ZNF350: variants seen among roughly 807,000 people sequenced by gnomAD.
The protein encoded by ZNF350 is zinc finger protein 350.
In ZNF350, 5 loss-of-function variants were observed where a neutral mutation model predicts 13.1. That is an observed-to-expected ratio of 0.38 (90% CI 0.20 to 0.80). The LOEUF (loss-of-function observed/expected upper bound fraction) is 0.80. ZNF350 is among the 30% of genes least tolerant of loss of function. The pLI is 0.43. For missense variants in ZNF350, 534 were observed against 644.2 expected (o/e 0.83, Z 1.85); for synonymous variants, 199 against 224.2 (o/e 0.89, Z 1.00).
At position 51,964,972 on chromosome 19, in the gene ZNF350, C is replaced by T. The variant is rs753400255; in HGVS notation, c.1481G>A (p.Cys494Tyr). The T allele has an allele frequency of 6.2e-6, 10 of 1,614,076 alleles. No individual in the cohort carries two copies. Among genetic ancestry groups the T allele is most frequent in the Non-Finnish European group, 7.6e-6 (9 of 1,180,034 alleles). The change falls in exon 5 of 5, where the codon TGT becomes TAT. Residue 494 changes from cysteine to tyrosine, a missense_variant. Coordinates refer to ENST00000243644, the MANE Select transcript of ZNF350 (RefSeq NM_021632.4). Reference protein sequence around the residue: ...VVLVGQPVVRCAASGDNRGFA... With the variant: ...VVLVGQPVVRYAASGDNRGFA... ...TCCTCTGTTATCTCCTGAGGCTGCACATCTGACCACTGGCTGTCCCACAAG... is the reference window on the plus strand; with the variant it reads ...TCCTCTGTTATCTCCTGAGGCTGCATATCTGACCACTGGCTGTCCCACAAG...
intron 2 of ZNF350, among the ~76,000 whole-genome samples, chr19:51,971,860 G>A (rs774059442): frequency 6.6e-6 from 1 of 152,032 alleles, no homozygotes; most frequent in Non-Finnish European, 1.5e-5. Context: ...CCCAAACAGG[G>A]ACAGAATTGG....
chr19:51,965,522 T>G lies in ZNF350; in HGVS notation c.931A>C (p.Ile311Leu), dbSNP rs754924529. Reference protein sequence around the residue: ...QKGNLIVHQRIHTGEKPYICN... With the variant: ...QKGNLIVHQRLHTGEKPYICN... ...ATATAAGGTTTCTCACCTGTATGAA[T>G]TCGCTGGTGTACAATGAGATTTCCT... Residue 311 changes from isoleucine to leucine, a missense_variant, in exon 5 of 5, where the codon ATT (isoleucine) becomes CTT (leucine). Transcript: ENST00000243644. 2.5e-6 allele frequency: 4 copies of G among 1,614,106 alleles called. No individual in the cohort carries two copies. The highest frequency in any genetic ancestry group is 2.7e-5 in the African/African-American group (2 of 74,934).
chr19:51,965,398 C>T lies in ZNF350; in HGVS notation c.1055G>A (p.Gly352Glu), dbSNP rs772791359. ...GKTPFVCSEC[G>E]KSCSQKSGLI... ...ACCTGATTTCTGAGAACAGGATTTT[C>T]CACATTCACTGCACACAAAGGGCGT... Residue 352 changes from glycine (G) to glutamate (E), a missense_variant, in exon 5 of 5, where the codon GGA (glycine) becomes GAA (glutamate). Transcript: ENST00000243644. 2 of 1,614,114 alleles carry T rather than the reference C, an allele frequency of 1.2e-6. No homozygotes were observed. The highest frequency in any genetic ancestry group is 1.7e-6 in the Non-Finnish European group (2 of 1,180,016).
chr19:51,982,463 T>A (rs781245277), intron 1 of ZNF350, among the ~76,000 whole-genome samples: 19 of 152,244 alleles, frequency 1.2e-4, no homozygotes, highest in Admixed American at 2.6e-4. Flanking sequence ...TCTTTTAGGC[T>A]GACATAAACG....
intron 1 of ZNF350, among the ~76,000 whole-genome samples, chr19:51,981,715 GAA>G (rs1380428307): frequency 1.3e-4 from 20 of 151,982 alleles, no homozygotes; most frequent in South Asian, 6.2e-4. Context: ...TTAACAGAGA[GAA>G]AGAGAAACAA....
chr19:51,973,814 T>A (rs2085811344), intron 2 of ZNF350: 1 of 152,454 alleles, frequency 6.6e-6, no homozygotes, highest in Admixed American at 6.5e-5. Flanking sequence ...CTGTGTTTAC[T>A]GTTTGCTTAG....
Position 51,965,693 on chromosome 19 carries a change from G to A in ZNF350, c.760C>T (p.Arg254Ter), listed in dbSNP as rs1191666174. Reference protein sequence around the residue: ...SRKFMLTEHQRTHTGEKPYEC... With the variant: ...SRKFMLTEHQ The stretch of plus-strand genomic sequence containing the variant: ...TAAGGTTTTTCTCCTGTATGAGTTC[G>A]CTGATGTTCAGTAAGCATGAACTTT... The change falls in exon 5 of 5, where the codon CGA becomes TGA. Residue 254 changes from arginine (R) to a stop codon, truncating the protein, a stop_gained. Transcript: ENST00000243644. LOFTEE classifies it low-confidence loss of function (END_TRUNC). 8.7e-6 allele frequency: 14 copies of A among 1,613,936 alleles called. No homozygotes were observed. Among genetic ancestry groups the A allele is most frequent in the African/African-American group, 2.7e-5 (2 of 74,886 alleles).
chr19:51,979,126 G>A (rs1399891624), intron 1 of ZNF350, among the ~76,000 whole-genome samples: 1 of 152,126 alleles, frequency 6.6e-6, no homozygotes, highest in African/African-American at 2.4e-5. Context: ...AGGCCAACCA[G>A]AGTCATGATG....
Position 51,966,140 on chromosome 19 carries a change from C to A in ZNF350, c.313G>T (p.Glu105Ter). The A allele has an allele frequency of 6.2e-7, 1 of 1,613,934 alleles. No individual in the cohort carries two copies. Among genetic ancestry groups the A allele is most frequent in the South Asian group, 1.1e-5 (1 of 90,942 alleles). Residue 105 changes from glutamate (E) to a stop codon, truncating the protein, a stop_gained, in exon 5 of 5, where the codon GAA (glutamate) becomes TAA (stop). Coordinates refer to ENST00000243644, the MANE Select transcript of ZNF350 (RefSeq NM_021632.4). LOFTEE classifies it low-confidence loss of function (END_TRUNC). ...SLVNRRKPCH[E>*]HDAFENIVHC... is the part of the protein sequence containing the mutation. Reference sequence around the variant, plus strand: ...ACAATATTTTCAAATGCATCATGTTCATGACATGGTTTCCTTCTGTTCACC... The same window carrying A: ...ACAATATTTTCAAATGCATCATGTTAATGACATGGTTTCCTTCTGTTCACC...
Position 51,976,494 on chromosome 19 carries a change from AAGGTCT to A in ZNF350, c.-171-1969_-171-1964del. ...TGGGACTTCAAGGACGTGAATGAAG[AAGGTCT>A]GCTGGAGCAGAGGAACTGAAATTGA... On this transcript the variant is annotated intron_variant, in intron 1 of 4. Transcript: ENST00000243644. The surrounding 1 kb of genome is among the most constrained non-coding windows in gnomAD (Gnocchi z 4.5). 1.3e-5 allele frequency: 2 copies of A among 152,516 alleles called. No individual in the cohort carries two copies. Among genetic ancestry groups the A allele is most frequent in the East Asian group, 3.9e-4 (2 of 5,174 alleles). 9.4% of individuals were successfully genotyped at this position (152,516 alleles called of 1,614,324 possible).
intron 2 of ZNF350, among the ~76,000 whole-genome samples, chr19:51,971,435 A>G (rs2085733266): frequency 6.6e-6 from 1 of 152,224 alleles, no homozygotes; most frequent in Non-Finnish European, 1.5e-5. Context: ...CAGGGAGCCA[A>G]AGGTCCGTGG....
intron 4 of ZNF350, among the ~76,000 whole-genome samples, chr19:51,967,994 T>C (rs903248273): frequency 6.6e-6 from 1 of 152,166 alleles, no homozygotes; most frequent in Non-Finnish European, 1.5e-5. Context: ...GGAAGGAGTT[T>C]AAACTTACTA....
At chr19:51,979,823 G>A (rs552391223) in intron 1 of ZNF350, among the ~76,000 whole-genome samples, 44 of 152,262 alleles carry the variant, frequency 2.9e-4, no homozygotes, top group African/African-American at 8.7e-4. Context: ...TGGCATTGGC[G>A]GCAAGCTTTT....
chr19:51,968,583 C>G lies in ZNF350; in HGVS notation c.233G>C (p.Cys78Ser). 1 of 1,613,990 alleles carries G rather than the reference C, an allele frequency of 6.2e-7. No homozygotes were observed. The highest frequency in any genetic ancestry group is 1.1e-5 in the South Asian group (1 of 91,070). ...TGTCTTGTGGGTTCTCTCACCTGAA[C>G]AGGCTCCACTGTGGATTCCATCTTC... ...TIEDGIHSGACSDIWKVDHVL... is the reference protein window; with the variant it reads ...TIEDGIHSGASSDIWKVDHVL... Residue 78 changes from cysteine to serine, a missense_variant, in exon 4 of 5, where the codon TGT (cysteine) becomes TCT (serine). Coordinates refer to ENST00000243644, the MANE Select transcript of ZNF350 (RefSeq NM_021632.4).
At position 51,969,041 on chromosome 19, in the gene ZNF350, C is replaced by A; in HGVS notation, c.106G>T (p.Val36Leu). The change falls in exon 3 of 5, where the codon GTG (valine) becomes TTG (leucine). Residue 36 changes from valine to leucine, a missense_variant. Coordinates refer to ENST00000243644, the MANE Select transcript of ZNF350 (RefSeq NM_021632.4). ...GAAQKDLYRD[V>L]MLENYSNLVA... Reference sequence around the variant, plus strand: ...AGGTTGCTGTAGTTCTCCAACATCACATCCCGGTACAGGTCCTTCTGAGCA... The same window carrying A: ...AGGTTGCTGTAGTTCTCCAACATCAAATCCCGGTACAGGTCCTTCTGAGCA... 1 of 1,614,162 alleles carries A rather than the reference C, an allele frequency of 6.2e-7. No homozygotes were observed. The highest frequency in any genetic ancestry group is 8.5e-7 in the Non-Finnish European group (1 of 1,179,990).
At position 51,965,461 on chromosome 19, in the gene ZNF350, G is replaced by A. The variant is rs1371540646; in HGVS notation, c.992C>T (p.Thr331Met). The A allele has an allele frequency of 8.7e-6, 14 of 1,613,936 alleles. No individual in the cohort carries two copies. Among genetic ancestry groups the A allele is most frequent in the South Asian group, 2.2e-5 (2 of 91,076 alleles). The part of the protein sequence containing the change: ...NECGKGFIQK[T>M]CLIAHQRFHT... Reference sequence around the variant, plus strand: ...AAATCTCTGATGTGCTATGAGACACGTCTTCTGAATGAAGCCTTTTCCACA... The same window carrying A: ...AAATCTCTGATGTGCTATGAGACACATCTTCTGAATGAAGCCTTTTCCACA... The change falls in exon 5 of 5, where the codon ACG becomes ATG. Residue 331 changes from threonine (T) to methionine (M), a missense_variant. Physicochemically the swap from Thr to Met is moderately conservative, Grantham distance 81. Coordinates refer to ENST00000243644, the MANE Select transcript of ZNF350 (RefSeq NM_021632.4).
intron 1 of ZNF350, among the ~76,000 whole-genome samples, chr19:51,980,398 A>G (rs1485756188): frequency 1.3e-5 from 2 of 152,192 alleles, no homozygotes; most frequent in Non-Finnish European, 2.9e-5. Context: ...TTCCTTGGTC[A>G]AACTAATAAC....
chr19:51,965,377 G>C lies in ZNF350; in HGVS notation c.1076C>G (p.Ser359Ter). The C allele has an allele frequency of 6.2e-7, 1 of 1,614,116 alleles. No homozygotes were observed. The highest frequency in any genetic ancestry group is 8.5e-7 in the Non-Finnish European group (1 of 1,180,030). ...AATTCTTTGATGTTTAATGAGACCT[G>C]ATTTCTGAGAACAGGATTTTCCACA... is the stretch of plus-strand genomic sequence containing the variant. ...SECGKSCSQK[S>*]GLIKHQRIHT... Residue 359 changes from serine (S) to a stop codon, truncating the protein, a stop_gained, in exon 5 of 5, where the codon TCA becomes TGA. Transcript: ENST00000243644. LOFTEE classifies it low-confidence loss of function (END_TRUNC).
chr19:51,974,305 T>G, intron 2 of ZNF350, 41 bp downstream of exon 2: 1 of 1,609,496 alleles, frequency 6.2e-7, no homozygotes, highest in East Asian at 2.2e-5. Context: ...AAATCTATTA[T>G]GGAACAAAGG....
Sources: allele counts gnomAD v4.1 joint callset (sites outside exome capture counted in the v4.1 genomes callset), GRCh38; gene constraint gnomAD v4.1.1; non-coding constraint Gnocchi (gnomAD v3.1); transcripts MANE v1.5; gene names NCBI Gene and HGNC (gene_info 2026-07-23, HGNC 2026-07-21).